Variants in COL11A1 observed in about 807,000 individuals in gnomAD.
The protein encoded by COL11A1 is collagen alpha-1(XI) chain.
A neutral mutation model predicts 265.2 loss-of-function variants in COL11A1; 74 were observed. That is an observed-to-expected ratio of 0.28 (90% CI 0.23 to 0.34). The LOEUF is 0.34. COL11A1 is among the 10% of genes least tolerant of loss of function. The probability of loss-of-function intolerance (pLI) is 1.00; values close to 1 mark genes in which losing one functional copy is unlikely to be tolerated. For missense variants in COL11A1, 2,165 were observed against 2,263.6 expected (o/e 0.96, Z 0.88); for synonymous variants, 816 against 727.6 (o/e 1.12, Z -1.96).
At chr1:102,937,141 A>G (rs1054160247) in intron 44 of COL11A1, among the ~76,000 whole-genome samples, 16 of 152,130 alleles carry the variant, frequency 1.1e-4, no homozygotes, top group Non-Finnish European at 1.9e-4. Context: ...ATCAATACAT[A>G]AATATTTTAA....
At chr1:103,004,749 C>G in intron 18 of COL11A1, 88 bp from the exon 19 acceptor site, 2 of 1,172,064 alleles carry the variant, frequency 1.7e-6, no homozygotes, top group East Asian at 5.0e-5. Flanking sequence ...CCAAATAAAA[C>G]AGGACATTTG....
rs774497554 is a variant in COL11A1, at chr1:103,018,874, G to T, written c.1309-15C>A. 3.7e-6 allele frequency: 6 copies of T among 1,609,402 alleles called. No homozygotes were observed. The South Asian group carries it at 6.6e-5, about 18-fold the overall frequency. The stretch of plus-strand genomic sequence containing the variant: ...ACAAGCATACCCTATAACAGGAAAA[G>T]AGAACATCTCTACCAGGGAAATATA... On this transcript the variant is annotated splice_polypyrimidine_tract_variant and intron_variant, in intron 9 of 66. Coordinates refer to ENST00000370096, the MANE Select transcript of COL11A1 (RefSeq NM_001854.4).
At chr1:103,056,233 G>C (rs575464456) in intron 4 of COL11A1, among the ~76,000 whole-genome samples, 1 of 152,124 alleles carries the variant, frequency 6.6e-6, no homozygotes, top group South Asian at 2.1e-4. Flanking sequence ...TCTGAGATGA[G>C]AAAAATGAAG....
At chr1:103,050,594 C>T (rs1435533842) in intron 4 of COL11A1, among the ~76,000 whole-genome samples, 2 of 152,176 alleles carry the variant, frequency 1.3e-5, no homozygotes, top group Non-Finnish European at 2.9e-5. Flanking sequence ...GCCTTCTTCT[C>T]TCAACTCGTC....
rs72985785 is a variant in COL11A1, at chr1:102,987,577, A to G, written c.2502+56T>C. The G allele has an allele frequency of 4.2e-3, 5,422 of 1,293,660 alleles. 174 individuals carry two copies. In the African/African-American group the frequency reaches 0.069, roughly 16 times the overall value. The allele number at this position is 1,293,660 out of a possible 1,614,324, so 80.1% of individuals were successfully genotyped here. A position where few individuals can be genotyped will look rare whatever the true frequency, so the allele number is the denominator to read the frequency against. On this transcript the variant is annotated intron_variant, in intron 30 of 66. Transcript: ENST00000370096. ...ACACCAGTTATTGAAAGAAATTTAA[A>G]TGATAATGAAACATCAGCTGCAAGA...
intron 4 of COL11A1, among the ~76,000 whole-genome samples, chr1:103,046,754 C>A (rs1403756229): frequency 4.6e-5 from 7 of 151,066 alleles, no homozygotes; most frequent in African/African-American, 1.7e-4. Flanking sequence ...ACGTTTAAGT[C>A]TTTAATCCAT....
At chr1:103,072,357 A>T (rs1671660129) in intron 4 of COL11A1, among the ~76,000 whole-genome samples, 1 of 151,938 alleles carries the variant, frequency 6.6e-6, no homozygotes, top group Non-Finnish European at 1.5e-5. Flanking sequence ...CTGCAACTAA[A>T]TCTGACTTAT....
intron 18 of COL11A1, 150 bp downstream of exon 18, chr1:103,005,687 TA>T: frequency 6.4e-6 from 5 of 777,066 alleles, no homozygotes; most frequent in Non-Finnish European, 1.1e-5. Context: ...TGTGTAATTT[TA>T]CCTATTTTCC....
At chr1:103,015,812 T>C (rs1273143306) in intron 11 of COL11A1, 70 bp from the exon 12 acceptor site, 2 of 1,161,794 alleles carry the variant, frequency 1.7e-6, no homozygotes, top group Non-Finnish European at 2.5e-6. Flanking sequence ...TAGAATAACT[T>C]ATAACGTAAG....
chr1:103,010,280 A>G (rs1409873963), intron 14 of COL11A1, among the ~76,000 whole-genome samples: 2 of 152,174 alleles, frequency 1.3e-5, no homozygotes, highest in Non-Finnish European at 2.9e-5. Context: ...AGACTATAGA[A>G]TTAAGAGATA....
At chr1:103,012,569 C>A in intron 13 of COL11A1, 100 bp from the exon 14 acceptor site, 1 of 854,270 alleles carries the variant, frequency 1.2e-6, no homozygotes, top group Non-Finnish European at 2.0e-6. Context: ...AATACATGAT[C>A]AACACAGATT....
chr1:102,982,700 A>G (rs1016554931), intron 31 of COL11A1, among the ~76,000 whole-genome samples: 2 of 152,074 alleles, frequency 1.3e-5, no homozygotes, highest in Non-Finnish European at 2.9e-5. Context: ...CTGCTACTCA[A>G]GGAAGTATTT....
At chr1:102,914,928 C>T (rs532977281) in intron 50 of COL11A1, 117 bp from the exon 51 acceptor site, 29 of 807,462 alleles carry the variant, frequency 3.6e-5, no homozygotes, top group Middle Eastern at 3.7e-4. Flanking sequence ...TTTTTTTAGA[C>T]GGAATATCAC....
At chr1:102,883,765 C>T (rs1326081445) in intron 63 of COL11A1, among the ~76,000 whole-genome samples, 1 of 151,558 alleles carries the variant, frequency 6.6e-6, no homozygotes, top group South Asian at 2.1e-4. Flanking sequence ...GAGGTGATAT[C>T]GTATCTACTT....
At chr1:103,056,308 T>G (rs1670242132) in intron 4 of COL11A1, among the ~76,000 whole-genome samples, 1 of 152,256 alleles carries the variant, frequency 6.6e-6, no homozygotes, top group South Asian at 2.1e-4. Flanking sequence ...ATTAAGCATG[T>G]GTAACAGACC....
In COL11A1 at chr1:102,961,910, C is replaced by T; in HGVS notation, c.3124G>A (p.Gly1042Arg). 6.2e-7 allele frequency: 1 copy of T among 1,612,982 alleles called. No individual in the cohort carries two copies. Among genetic ancestry groups the T allele is most frequent in the Non-Finnish European group, 8.5e-7 (1 of 1,179,608 alleles). Residue 1042 changes from glycine (G) to arginine (R), a missense_variant, in exon 41 of 67, where the codon GGA (glycine) becomes AGA (arginine). Gly to Arg is a moderately radical substitution (Grantham distance 125). Coordinates refer to ENST00000370096, the MANE Select transcript of COL11A1 (RefSeq NM_001854.4). Reference sequence around the variant, plus strand: ...TGGGGACCTTCCCCTCCTTTCAGTCCAGGTGCACCCTGGGAAAAGTGAAAA... The same window carrying T: ...TGGGGACCTTCCCCTCCTTTCAGTCTAGGTGCACCCTGGGAAAAGTGAAAA... ...RGLPGAQGAP[G>R]LKGGEGPQGP... is the part of the protein sequence containing the mutation.
intron 4 of COL11A1, among the ~76,000 whole-genome samples, chr1:103,055,895 T>G (rs1357909939): frequency 2.0e-5 from 3 of 152,142 alleles, no homozygotes; most frequent in Admixed American, 6.5e-5. Context: ...CCTATGACTG[T>G]GTGAGCCCGC....
chr1:103,023,142 T>G (rs941550098), intron 7 of COL11A1, 146 bp from the exon 8 acceptor site: 17 of 763,464 alleles, frequency 2.2e-5, no homozygotes, highest in Admixed American at 6.9e-5. Flanking sequence ...GAAAGTAGGC[T>G]TTCAGTATCA....
chr1:103,017,582 G>C (rs1031896221), intron 11 of COL11A1, among the ~76,000 whole-genome samples: 5 of 152,082 alleles, frequency 3.3e-5, no homozygotes, highest in Admixed American at 1.3e-4. Flanking sequence ...TATCAATATG[G>C]ATGTTGGGTG....
Sources: gnomAD v4.1 joint callset for allele counts (sites outside exome capture counted in the v4.1 genomes callset) on GRCh38, gnomAD v4.1.1 for gene constraint, MANE v1.5 for transcripts, NCBI Gene and HGNC (gene_info 2026-07-23, HGNC 2026-07-21) for gene names.